Variants in SUSD2 observed in about 807,000 individuals in gnomAD.
The protein encoded by SUSD2 is sushi domain-containing protein 2.
Under a neutral mutation model 93.8 loss-of-function variants are expected in SUSD2, and 86 were observed. The ratio of observed to expected loss-of-function variants is 0.92; its 90% confidence interval spans 0.77 to 1.10. SUSD2 has a LOEUF of 1.10. Ranked by LOEUF, SUSD2 falls within the 50% of genes least tolerant of loss-of-function variation. The probability of loss-of-function intolerance (pLI) is 0.00; values close to 1 mark genes in which losing one functional copy is unlikely to be tolerated. For missense variants in SUSD2, 1,060 were observed against 1,137.0 expected, an observed-to-expected ratio of 0.93 and a Z score of 0.97; for synonymous variants, 483 against 485.0, an observed-to-expected ratio of 1.00 and a Z score of 0.05.
rs763629582 is a variant in SUSD2 at position 24,186,171 on chromosome 22, G to A, written c.1483+12G>A. 6.2e-7 allele frequency: 1 copy of A among 1,608,324 alleles called. No homozygotes were observed. Among genetic ancestry groups the A allele is most frequent in the Non-Finnish European group, 8.5e-7 (1 of 1,177,426 alleles). Reference sequence around the variant, plus strand: ...GACGATGTCCAACGGTGAGGCCAGGGCTAGGGGCTGCTCTGGTTGGCATGG... The same window carrying A: ...GACGATGTCCAACGGTGAGGCCAGGACTAGGGGCTGCTCTGGTTGGCATGG... On this transcript the variant is annotated intron_variant, in intron 9 of 14. Coordinates refer to ENST00000358321, the MANE Select transcript of SUSD2 (RefSeq NM_019601.4).
Position 24,185,547 on chromosome 22 carries a change from AC to A in SUSD2, c.1047del (p.Cys350ValfsTer27). On this transcript the variant is annotated frameshift_variant, in exon 7 of 15. Transcript: ENST00000358321. LOFTEE classifies it high-confidence loss of function. ...SVCTYHPGAV[H>X]CVRSVQASLR... is the part of the protein sequence containing the mutation. ...TGCACCTACCACCCCGGGGCCGTGC[AC>A]TGTGTGCGTTCTGTGCAGGCCAGGT... The A allele has an allele frequency of 6.3e-7, 1 of 1,588,502 alleles. No homozygotes were observed. Among genetic ancestry groups the A allele is most frequent in the Non-Finnish European group, 8.6e-7 (1 of 1,167,610 alleles).
chr22:24,183,017 A>T, intron 1 of SUSD2, 40 bp from the exon 2 acceptor site: 1 of 1,577,598 alleles, frequency 6.3e-7, no homozygotes, highest in South Asian at 1.1e-5. Context: ...CAGCCAGTCC[A>T]GTACCCGCCG....
At chr22:24,187,032 C>A in intron 10 of SUSD2, 170 bp from the exon 11 acceptor site, 1 of 782,408 alleles carries the variant, frequency 1.3e-6, no homozygotes, top group Non-Finnish European at 2.0e-6. Context: ...GCAAGCATGG[C>A]AGGGGTGGCG....
At chr22:24,182,768 T>G (rs2047332657) in intron 1 of SUSD2, 1 of 381,958 alleles carries the variant, frequency 2.6e-6, no homozygotes, top group Non-Finnish European at 4.8e-6. Context: ...GCCCAGGGGC[T>G]TCTCCTGACC....
chr22:24,188,893 T>C lies in SUSD2; in HGVS notation c.*457T>C, dbSNP rs939011344. On this transcript the variant is annotated 3_prime_UTR_variant, in exon 15 of 15. Transcript: ENST00000358321. The surrounding 1 kb of genome is among the most constrained non-coding windows in gnomAD (Gnocchi z 4.7). ...TGCTCCCGGACCGTGCGGGCACCAG[T>C]GCAGTGCTGCCTTGGTTCCTGGACC... The C allele has an allele frequency of 1.2e-5, 2 of 161,202 alleles. No homozygotes were observed. The highest frequency in any genetic ancestry group is 1.2e-4 in the Admixed American group (2 of 16,400). The allele number at this position is 161,202 out of a possible 1,614,324, so 10.0% of individuals were successfully genotyped here. A position where few individuals can be genotyped will look rare whatever the true frequency, so the allele number is the denominator to read the frequency against.
rs368672499 is a variant in SUSD2, at chr22:24,188,440, G to C, written c.*4G>C. ...CGTCTGGGGTGCACAGCCCTGATGG[G>C]AGCAGCTTGGCTGTGAGCACCAGGC... On this transcript the variant is annotated 3_prime_UTR_variant, in exon 15 of 15. Coordinates refer to ENST00000358321, the MANE Select transcript of SUSD2 (RefSeq NM_019601.4). The surrounding 1 kb of genome is among the most constrained non-coding windows in gnomAD (Gnocchi z 4.7). 5.0e-6 allele frequency: 8 copies of C among 1,609,412 alleles called. No homozygotes were observed. The highest frequency in any genetic ancestry group is 6.8e-6 in the Non-Finnish European group (8 of 1,179,430).
intron 10 of SUSD2, 188 bp from the exon 11 acceptor site, chr22:24,187,014 G>T: frequency 1.4e-6 from 1 of 691,292 alleles, no homozygotes; most frequent in Non-Finnish European, 2.4e-6. Context: ...GCCGCTGGGA[G>T]TTCCACCGCA....
Position 24,184,868 on chromosome 22 carries a change from C to A in SUSD2, c.710C>A (p.Ala237Asp). Residue 237 changes from alanine to aspartate, a missense_variant, in exon 5 of 15, where the codon GCT (alanine) becomes GAT (aspartate). Ala to Asp is a moderately radical substitution (Grantham distance 126). This residue lies in a region of SUSD2 where 973 missense variants were observed against 1,005.3 expected (regional missense o/e 0.97). Transcript: ENST00000358321. ...SGSFTFTPKP[A>D]PPSYQRWRVG... The stretch of plus-strand genomic sequence containing the variant: ...TCTTTCACTTTCACCCCAAAACCTG[C>A]TCCTCCCAGCTACCAGAGATGGCGA... The A allele has an allele frequency of 6.2e-7, 1 of 1,614,080 alleles. No homozygotes were observed. Among genetic ancestry groups the A allele is most frequent in the Non-Finnish European group, 8.5e-7 (1 of 1,180,008 alleles).
At position 24,185,821 on chromosome 22, in the gene SUSD2, T is replaced by TACG; in HGVS notation, c.1233_1235dup (p.Asp412dup). 1 of 1,610,006 alleles carries TACG rather than the reference T, an allele frequency of 6.2e-7. No individual in the cohort carries two copies. ...AGTGCCCAGCATGTCCCACTGGCTC[T>TACG]ACGATGTCCTCAGCTTCTATTACTG... is the stretch of plus-strand genomic sequence containing the variant. On this transcript the variant is annotated inframe_insertion, in exon 8 of 15. Transcript: ENST00000358321.
chr22:24,184,660 A>G, intron 4 of SUSD2, 106 bp from the exon 5 acceptor site: 1 of 933,648 alleles, frequency 1.1e-6, no homozygotes, highest in African/African-American at 1.7e-5. Flanking sequence ...TCCTAAGGGG[A>G]CCGCCTGGCG....
intron 1 of SUSD2, 138 bp downstream of exon 1, chr22:24,181,733 A>G (rs745871387): frequency 3.0e-6 from 2 of 675,972 alleles, no homozygotes; most frequent in African/African-American, 3.8e-5. Context: ...ATGGGAAGAA[A>G]TTCTGAGGGT....
At chr22:24,183,830 C>T in intron 3 of SUSD2, 184 bp downstream of exon 3, 2 of 735,612 alleles carry the variant, frequency 2.7e-6, no homozygotes, top group Non-Finnish European at 4.4e-6. Flanking sequence ...GACCGCGGTC[C>T]CAGCCCAGAG....
chr22:24,186,040 T>C lies in SUSD2; in HGVS notation c.1364T>C (p.Phe455Ser). Residue 455 changes from phenylalanine (F) to serine (S), a missense_variant, in exon 9 of 15, where the codon TTT (phenylalanine) becomes TCT (serine). Transcript: ENST00000358321. ...GCCTCCGCCTTCGGAGACCCACACTTTGTGACCTTCGACGGCACCAACTTC... is the reference window on the plus strand; with the variant it reads ...GCCTCCGCCTTCGGAGACCCACACTCTGTGACCTTCGACGGCACCAACTTC... ...RLASAFGDPH[F>S]VTFDGTNFTF... 6.2e-7 allele frequency: 1 copy of C among 1,611,634 alleles called. No homozygotes were observed. The highest frequency in any genetic ancestry group is 1.3e-5 in the African/African-American group (1 of 75,016).
In SUSD2 at chr22:24,184,814, C is replaced by G. The variant is rs1488687822; in HGVS notation, c.656C>G (p.Pro219Arg). 1.2e-6 allele frequency: 2 copies of G among 1,612,924 alleles called. No homozygotes were observed. Among genetic ancestry groups the G allele is most frequent in the African/African-American group, 1.3e-5 (1 of 74,892 alleles). ...ACTGCAAAGTGGTCGTACCTGTACC[C>G]CCTGGCCACACACATCCCCAACTCC... ...EWTAKWSYLYPLATHIPNSGS... is the reference protein window; with the variant it reads ...EWTAKWSYLYRLATHIPNSGS... Residue 219 changes from proline (P) to arginine (R), a missense_variant, in exon 5 of 15, where the codon CCC becomes CGC. Pro to Arg is a moderately radical substitution (Grantham distance 103, BLOSUM62 -2). Coordinates refer to ENST00000358321, the MANE Select transcript of SUSD2 (RefSeq NM_019601.4).
At position 24,188,491 on chromosome 22, in the gene SUSD2, A is replaced by G. The variant is rs377073380; in HGVS notation, c.*55A>G. 5.4e-4 allele frequency: 845 copies of G among 1,565,352 alleles called. No homozygotes were observed. The highest frequency in any genetic ancestry group is 7.0e-4 in the Non-Finnish European group (805 of 1,146,220). On this transcript the variant is annotated 3_prime_UTR_variant, in exon 15 of 15. Coordinates refer to ENST00000358321, the MANE Select transcript of SUSD2 (RefSeq NM_019601.4). The surrounding 1 kb of genome is among the most constrained non-coding windows in gnomAD (Gnocchi z 4.7). Reference sequence around the variant, plus strand: ...CAAGACTCCTGAGAACAGGCAGCCCAGTCCTGCGACTCCCGCATCCCCAGG... The same window carrying G: ...CAAGACTCCTGAGAACAGGCAGCCCGGTCCTGCGACTCCCGCATCCCCAGG...
In SUSD2 at chr22:24,187,398, C is replaced by A. The variant is rs775366373; in HGVS notation, c.1839C>A (p.Arg613=). The change falls in exon 11 of 15, where the codon CGC becomes CGA. Residue 613 remains arginine (R), a synonymous_variant. Coordinates refer to ENST00000358321, the MANE Select transcript of SUSD2 (RefSeq NM_019601.4). The stretch of plus-strand genomic sequence containing the variant: ...ACGACTTCACCCTGCACAGCGGGCG[C>A]GTCCTGCCCCCAGGCACCAGTCCCC... ...PTDDFTLHSG[R]VLPPGTSPQE... is the part of the protein sequence containing the mutation. The A allele has an allele frequency of 6.2e-7, 1 of 1,613,844 alleles. No individual in the cohort carries two copies. The highest frequency in any genetic ancestry group is 1.7e-5 in the Admixed American group (1 of 60,018).
chr22:24,187,275 C>A lies in SUSD2; in HGVS notation c.1716C>A (p.Ser572Arg). ...CATCAGGGGCCGGCCTGGAGGTCAGCGTGCAGGGCCCGTTCCTGAGTGTGT... is the reference window on the plus strand; with the variant it reads ...CATCAGGGGCCGGCCTGGAGGTCAGAGTGCAGGGCCCGTTCCTGAGTGTGT... ...MLASGAGLEV[S>R]VQGPFLSVSV... Residue 572 changes from serine to arginine, a missense_variant, in exon 11 of 15, where the codon AGC becomes AGA. This residue lies in a region of SUSD2 where 973 missense variants were observed against 1,005.3 expected (regional missense o/e 0.97). Transcript: ENST00000358321. The A allele has an allele frequency of 6.2e-7, 1 of 1,614,034 alleles. No homozygotes were observed. The highest frequency in any genetic ancestry group is 8.5e-7 in the Non-Finnish European group (1 of 1,180,006).
At chr22:24,181,989 G>A (rs1018349769) in intron 1 of SUSD2, among the ~76,000 whole-genome samples, 3 of 152,032 alleles carry the variant, frequency 2.0e-5, no homozygotes, top group Non-Finnish European at 2.9e-5. Flanking sequence ...GCTGCCCCCC[G>A]TCCCCCACCC....
At position 24,188,652 on chromosome 22, in the gene SUSD2, TACTC is replaced by T. The variant is rs2047386977; in HGVS notation, c.*219_*222del. On this transcript the variant is annotated 3_prime_UTR_variant, in exon 15 of 15. Transcript: ENST00000358321. This position sits in a 1 kb window ranked among gnomAD's most constrained non-coding sequence, Gnocchi z 4.7. ...GCAGCGCTCCGTGCTCTTCCCCAAA[TACTC>T]ACGGCTCTAATTCCCCAAACCTGAA... is the stretch of plus-strand genomic sequence containing the variant. The T allele has an allele frequency of 5.3e-6, 3 of 560,930 alleles. No homozygotes were observed. Among genetic ancestry groups the T allele is most frequent in the East Asian group, 5.8e-5 (2 of 34,538 alleles). The allele number at this position is 560,930 out of a possible 1,614,324, so 34.7% of individuals were successfully genotyped here.
Sources: allele counts gnomAD v4.1 joint callset (sites outside exome capture counted in the v4.1 genomes callset), GRCh38; gene constraint gnomAD v4.1.1; regional missense constraint gnomAD v4.1.1; non-coding constraint Gnocchi (gnomAD v3.1); transcripts MANE v1.5; gene names NCBI Gene and HGNC (gene_info 2026-07-23, HGNC 2026-07-21).